ACO2: variants seen among roughly 807,000 people sequenced by gnomAD.
ACO2 encodes the protein aconitase 2.
Under a neutral mutation model 84.5 loss-of-function variants are expected in ACO2, and 31 were observed. The observed-to-expected ratio is 0.37, with a 90% confidence interval of 0.28 to 0.50. ACO2 has a LOEUF of 0.50. Among genes scored for constraint, ACO2 ranks in the 20% least tolerant of loss-of-function variants. ACO2 has a pLI of 0.97. For missense variants in ACO2, 685 were observed against 1,029.3 expected, an observed-to-expected ratio of 0.67 and a Z score of 4.58; for synonymous variants, 414 against 412.7, an observed-to-expected ratio of 1.00 and a Z score of -0.04.
chr22:41,517,253 T>G, intron 6 of ACO2: 1 of 434,750 alleles, frequency 2.3e-6, no homozygotes, highest in Non-Finnish European at 4.3e-6. Flanking sequence ...CAGCTCAGTG[T>G]GTGGGGGCTG....
chr22:41,510,615 C>T (rs2066426599), intron 3 of ACO2, among the ~76,000 whole-genome samples: 1 of 152,180 alleles, frequency 6.6e-6, no homozygotes, highest in East Asian at 1.9e-4. Context: ...TGGCAGGTCC[C>T]ATTTCCTAGT....
At chr22:41,508,119 G>C in intron 3 of ACO2, 70 bp downstream of exon 3, 1 of 1,535,964 alleles carries the variant, frequency 6.5e-7, no homozygotes. Flanking sequence ...CCTCACACTG[G>C]AGCAAACCAG....
intron 1 of ACO2, among the ~76,000 whole-genome samples, chr22:41,480,691 G>A (rs1465224281): frequency 1.3e-5 from 2 of 152,174 alleles, no homozygotes; most frequent in Non-Finnish European, 2.9e-5. Flanking sequence ...ATAGAATGCA[G>A]TATATTCATA....
intron 2 of ACO2, among the ~76,000 whole-genome samples, chr22:41,505,530 G>A (rs2066387136): frequency 6.6e-6 from 1 of 152,120 alleles, no homozygotes; most frequent in African/African-American, 2.4e-5. Context: ...TTAGCGTCAG[G>A]AGCACAGCCG....
chr22:41,503,077 A>G (rs963076861), intron 2 of ACO2, among the ~76,000 whole-genome samples: 3 of 152,214 alleles, frequency 2.0e-5, no homozygotes, highest in African/African-American at 7.2e-5. Context: ...TTGACAACAG[A>G]GTATTATTCA....
intron 4 of ACO2, among the ~76,000 whole-genome samples, chr22:41,513,965 A>G (rs1414940022): frequency 6.6e-6 from 1 of 152,162 alleles, no homozygotes; most frequent in East Asian, 1.9e-4. Flanking sequence ...AAGTGTCTAC[A>G]CCGTGTAGAC....
At chr22:41,480,646 A>G (rs1453677470) in intron 1 of ACO2, among the ~76,000 whole-genome samples, 3 of 152,192 alleles carry the variant, frequency 2.0e-5, no homozygotes, top group Non-Finnish European at 2.9e-5. Context: ...AAGCCCAGCT[A>G]CCAAGCTCTA....
intron 4 of ACO2, among the ~76,000 whole-genome samples, chr22:41,514,865 T>C (rs2066463220): frequency 6.6e-6 from 1 of 152,216 alleles, no homozygotes; most frequent in Non-Finnish European, 1.5e-5. Flanking sequence ...ACCTATTCTT[T>C]GCAGTTGAGG....
intron 1 of ACO2, 44 bp downstream of exon 1, chr22:41,469,226 C>A: frequency 6.3e-7 from 1 of 1,591,892 alleles, no homozygotes; most frequent in African/African-American, 1.4e-5. Context: ...GGCGGGGTGC[C>A]TCCTACTGTG....
At chr22:41,475,759 G>A (rs781490881) in intron 1 of ACO2, among the ~76,000 whole-genome samples, 5 of 151,926 alleles carry the variant, frequency 3.3e-5, no homozygotes, top group Non-Finnish European at 5.9e-5. Context: ...TTAGCCAGTC[G>A]TGGTGGCGCA....
At chr22:41,476,137 G>T (rs1229312308) in intron 1 of ACO2, among the ~76,000 whole-genome samples, 1 of 152,140 alleles carries the variant, frequency 6.6e-6, no homozygotes, top group African/African-American at 2.4e-5. Flanking sequence ...GCCGGGTGTG[G>T]TGCCTCATGC....
At chr22:41,485,510 G>A (rs946435498) in intron 1 of ACO2, among the ~76,000 whole-genome samples, 1 of 145,998 alleles carries the variant, frequency 6.8e-6, no homozygotes, top group African/African-American at 2.6e-5. Context: ...GCACGATCTC[G>A]GCTCACTGCA....
intron 2 of ACO2, among the ~76,000 whole-genome samples, chr22:41,502,774 A>G (rs1357246386): frequency 6.6e-6 from 1 of 152,030 alleles, no homozygotes. Flanking sequence ...ATGCCCAGGT[A>G]ATTTTTGTAT....
intron 4 of ACO2, among the ~76,000 whole-genome samples, chr22:41,514,962 AACC>A (rs1457491565): frequency 6.6e-6 from 1 of 152,180 alleles, no homozygotes; most frequent in Non-Finnish European, 1.5e-5. Flanking sequence ...CTCCTGGAAG[AACC>A]ACCAACCCCG....
intron 1 of ACO2, among the ~76,000 whole-genome samples, chr22:41,478,259 T>C (rs990581575): frequency 1.3e-5 from 2 of 152,062 alleles, no homozygotes; most frequent in African/African-American, 2.4e-5. Flanking sequence ...TGCCCCAGCC[T>C]CCCAAGTAGC....
At chr22:41,521,035 C>CAAAAAAAAAAAAAAA (rs375633363) in intron 9 of ACO2, among the ~76,000 whole-genome samples, 2 of 81,618 alleles carry the variant, frequency 2.5e-5, no homozygotes, top group African/African-American at 7.0e-5. Context: ...AGCCTGCCTC[C>CAAAAAAAAAAAAAAA]AAAAAAAAAA....
chr22:41,516,243 G>C (rs999136662), intron 6 of ACO2: 3 of 581,672 alleles, frequency 5.2e-6, no homozygotes, highest in South Asian at 2.1e-5. Flanking sequence ...TGATCTAGAC[G>C]AATCCAGAGA....
At chr22:41,528,411 GA>G in intron 17 of ACO2, 67 bp from the exon 18 acceptor site, 1 of 1,575,702 alleles carries the variant, frequency 6.3e-7, no homozygotes, top group Non-Finnish European at 8.6e-7. Flanking sequence ...CTGTCTCCCT[GA>G]CCCCCCTGCG....
At position 41,525,357 on chromosome 22, in the gene ACO2, C is replaced by T. The variant is rs969418156; in HGVS notation, c.1761+9C>T. On this transcript the variant is annotated intron_variant, in intron 14 of 17. Coordinates refer to ENST00000216254, the MANE Select transcript of ACO2 (RefSeq NM_001098.3). ...TGCAGATCCTCATCAAGGTCAGCAG[C>T]ATGGGGACGGCAGGACAGCCCCACC... is the stretch of plus-strand genomic sequence containing the variant. 3 of 1,613,186 alleles carry T rather than the reference C, an allele frequency of 1.9e-6. No individual in the cohort carries two copies. The highest frequency in any genetic ancestry group is 2.7e-5 in the African/African-American group (2 of 74,918).
Sources: gnomAD v4.1 joint callset for allele counts (sites outside exome capture counted in the v4.1 genomes callset) on GRCh38, gnomAD v4.1.1 for gene constraint, MANE v1.5 for transcripts, NCBI Gene and HGNC (gene_info 2026-07-23, HGNC 2026-07-21) for gene names.